Variants in TVP23A observed in about 807,000 individuals in gnomAD.
TVP23A encodes Golgi apparatus membrane protein TVP23 homolog A.
A neutral mutation model predicts 31.7 loss-of-function variants in TVP23A; 21 were observed. That is an observed-to-expected ratio of 0.66 (90% CI 0.47 to 0.95). The LOEUF (loss-of-function observed/expected upper bound fraction) is 0.95. TVP23A is among the 40% of genes least tolerant of loss of function. The pLI, the probability that TVP23A is intolerant of heterozygous loss-of-function variation, is 0.00. For synonymous variants in TVP23A, 104 were observed against 96.0 expected (o/e 1.08, Z -0.49); for missense variants, 279 against 255.6 (o/e 1.09, Z -0.62).
chr16:10,780,121 GAATGAATAA>G (rs963013679), intron 2 of TVP23A, among the ~76,000 whole-genome samples: 1 of 150,642 alleles, frequency 6.6e-6, no homozygotes, highest in Non-Finnish European at 1.5e-5. Flanking sequence ...ATGAATGAAT[GAATGAATAA>G]AATAAAATAA....
At chr16:10,796,402 C>T (rs2033390522) in intron 2 of TVP23A, among the ~76,000 whole-genome samples, 1 of 151,604 alleles carries the variant, frequency 6.6e-6, no homozygotes, top group African/African-American at 2.4e-5. Flanking sequence ...GGGTGAGAAG[C>T]CTATGTAGTA....
chr16:10,780,713 C>T lies in TVP23A; in HGVS notation c.90-5617G>A, dbSNP rs138592741. On this transcript the variant is annotated intron_variant, in intron 2 of 7. Coordinates refer to ENST00000299866, the MANE Select transcript of TVP23A (RefSeq NM_001079512.4). ...TGCCAACAGGATCCACTTCCTAAGA[C>T]ACTGAAAACATCGGGTGAGGGTGGT... Among the ~76,000 whole-genome samples the T allele has an allele frequency of 6.0e-3, 910 of 152,266 alleles. 6 individuals are homozygous for T. The highest frequency in any genetic ancestry group is 9.5e-3 in the Non-Finnish European group (646 of 68,014).
chr16:10,778,368 CT>C (rs1464120804), intron 2 of TVP23A, among the ~76,000 whole-genome samples: 4 of 152,080 alleles, frequency 2.6e-5, no homozygotes, highest in African/African-American at 9.7e-5. Context: ...AACTTAAAAA[CT>C]TCCTGGAGTG....
At chr16:10,799,584 T>C (rs1338246473) in intron 2 of TVP23A, among the ~76,000 whole-genome samples, 2 of 152,270 alleles carry the variant, frequency 1.3e-5, no homozygotes, top group African/African-American at 2.4e-5. Context: ...TCCTCTCATC[T>C]CTGCCTCCCA....
downstream of TVP23A, chr16:10,761,722 A>T: frequency 6.4e-7 from 1 of 1,561,366 alleles, no homozygotes; most frequent in Non-Finnish European, 8.8e-7. Context: ...TCTGCAAAAA[A>T]ATTATGTTTC....
intron 2 of TVP23A, among the ~76,000 whole-genome samples, chr16:10,816,682 G>A (rs1444693185): frequency 6.6e-6 from 1 of 151,902 alleles, no homozygotes; most frequent in Non-Finnish European, 1.5e-5. Context: ...AGATTATCTG[G>A]GTGGACGCTA....
At chr16:10,761,904 C>T, downstream of TVP23A, 2 of 1,482,738 alleles carry the variant, frequency 1.3e-6, no homozygotes, top group Non-Finnish European at 1.9e-6. Flanking sequence ...CTCGGTCAGC[C>T]CCACAGGCAC....
intron 2 of TVP23A, among the ~76,000 whole-genome samples, chr16:10,787,842 C>G (rs1414451853): frequency 6.6e-6 from 1 of 152,166 alleles, no homozygotes; most frequent in Non-Finnish European, 1.5e-5. Flanking sequence ...TTACCCCAGA[C>G]AACAATGCCG....
At chr16:10,811,671 G>A (rs1020424851) in intron 2 of TVP23A, among the ~76,000 whole-genome samples, 3 of 152,114 alleles carry the variant, frequency 2.0e-5, no homozygotes, top group East Asian at 1.9e-4. Flanking sequence ...TTAGGAGGCC[G>A]AGGCGGGCGG....
chr16:10,762,298 C>A (rs577073469), downstream of TVP23A, among the ~76,000 whole-genome samples: 1 of 152,140 alleles, frequency 6.6e-6, no homozygotes, highest in Non-Finnish European at 1.5e-5. Context: ...TCTCCAGCAC[C>A]GGGACAGACC....
chr16:10,803,719 C>A (rs919598888), intron 2 of TVP23A, among the ~76,000 whole-genome samples: 1 of 152,098 alleles, frequency 6.6e-6, no homozygotes, highest in Non-Finnish European at 1.5e-5. Context: ...TTAACCAACA[C>A]AAGGACCCAA....
Position 10,767,474 on chromosome 16 carries a change from G to C in TVP23A, c.*1628C>G, listed in dbSNP as rs796569010. 5.0e-6 allele frequency: 2 copies of C among 403,346 alleles called. No individual in the cohort carries two copies. The highest frequency in any genetic ancestry group is 1.2e-4 in the South Asian group (1 of 8,080). The allele number at this position is 403,346 out of a possible 1,614,324, so 25.0% of individuals were successfully genotyped here. A position where few individuals can be genotyped will look rare whatever the true frequency, so the allele number is the denominator to read the frequency against. On this transcript the variant is annotated 3_prime_UTR_variant, in exon 8 of 8. Transcript: ENST00000299866. The surrounding 1 kb of genome is among the most constrained non-coding windows in gnomAD (Gnocchi z 4.6). The stretch of plus-strand genomic sequence containing the variant: ...GTATTTTAGGTATATGAGAGTGTGT[G>C]TATGTGTGTGCGCACACATGCAAGT...
rs574536593 is a variant in TVP23A at position 10,789,693 on chromosome 16, G to C, written c.90-14597C>G. On this transcript the variant is annotated intron_variant, in intron 2 of 7. Coordinates refer to ENST00000299866, the MANE Select transcript of TVP23A (RefSeq NM_001079512.4). Reference sequence around the variant, plus strand: ...AAAAAAAAAAAAAAAAAAAAAGCCAGGCGTGGTGGCAGGTGCCTGTAATCC... The same window carrying C: ...AAAAAAAAAAAAAAAAAAAAAGCCACGCGTGGTGGCAGGTGCCTGTAATCC... 7.7e-5 allele frequency among the ~76,000 whole-genome samples: 11 copies of C among 142,426 alleles called. No homozygotes were observed. The East Asian group carries it at 2.2e-3, about 28-fold the overall frequency. The allele number at this position is 142,426 out of a possible 152,430, so 93.4% of individuals were successfully genotyped here.
chr16:10,805,392 CCGA>C (rs1034036571), intron 2 of TVP23A, among the ~76,000 whole-genome samples: 3 of 151,908 alleles, frequency 2.0e-5, no homozygotes, highest in African/African-American at 4.8e-5. Flanking sequence ...ATCTCCCTGG[CCGA>C]CAAGAGCATA....
chr16:10,757,727 C>CTG, downstream of TVP23A: 2 of 898,126 alleles, frequency 2.2e-6, no homozygotes, highest in Non-Finnish European at 3.4e-6. This position sits in a 1 kb window ranked among gnomAD's most constrained non-coding sequence, Gnocchi z 4.1. Flanking sequence ...ACTTGGGAGG[C>CTG]TGAGGTGGGA....
intron 2 of TVP23A, among the ~76,000 whole-genome samples, chr16:10,809,866 C>G (rs2143002418): frequency 6.6e-6 from 1 of 152,282 alleles, no homozygotes; most frequent in African/African-American, 2.4e-5. Flanking sequence ...TGTGGCCCAG[C>G]AATTCCACTC....
At position 10,812,984 on chromosome 16, in the gene TVP23A, C is replaced by T. The variant is rs149504809; in HGVS notation, c.89+5119G>A. Among the ~76,000 whole-genome samples the T allele has an allele frequency of 3.9e-5, 6 of 152,166 alleles. No homozygotes were observed. In the East Asian group the frequency reaches 9.6e-4, roughly 24 times the overall value. ...GCATGGCTAACATTTCCTCTGTGTG[C>T]CCAGCTCTGCTGTGGAATCACACCC... On this transcript the variant is annotated intron_variant, in intron 2 of 7. Transcript: ENST00000299866.
downstream of TVP23A, among the ~76,000 whole-genome samples, chr16:10,759,277 C>T (rs1164790318): frequency 2.6e-5 from 4 of 152,118 alleles, no homozygotes; most frequent in East Asian, 1.9e-4. This position sits in a 1 kb window ranked among gnomAD's most constrained non-coding sequence, Gnocchi z 4.7. Flanking sequence ...GCAGGCCCAG[C>T]GGCCATGGGA....
At chr16:10,793,203 C>T (rs7196290) in intron 2 of TVP23A, among the ~76,000 whole-genome samples, 5,773 of 152,148 alleles carry the variant, frequency 0.038, 346 homozygotes, top group African/African-American at 0.13. Flanking sequence ...GCAGGAGAAT[C>T]GCTTGGAGGT....
Sources: gnomAD v4.1 joint callset for allele counts (sites outside exome capture counted in the v4.1 genomes callset) on GRCh38, gnomAD v4.1.1 for gene constraint, Gnocchi (gnomAD v3.1) non-coding constraint, MANE v1.5 for transcripts, NCBI Gene and HGNC (gene_info 2026-07-23, HGNC 2026-07-21) for gene names.